CYSTM1: variants seen among roughly 807,000 people sequenced by gnomAD.
CYSTM1 encodes cysteine-rich transmembrane module-containing protein 1.
In CYSTM1, 4 loss-of-function variants were observed where a neutral mutation model predicts 13.1. The ratio of observed to expected loss-of-function variants is 0.31; its 90% CI spans 0.15 to 0.70. The LOEUF is 0.70. Ranked by LOEUF, CYSTM1 falls within the 30% of genes least tolerant of loss-of-function variation. The pLI, the probability that CYSTM1 is intolerant of heterozygous loss-of-function variation, is 0.72. For synonymous variants in CYSTM1, 36 were observed against 42.7 expected (o/e 0.84, Z 0.62); for missense variants, 96 against 121.6 (o/e 0.79, Z 0.99).
intron 2 of CYSTM1, among the ~76,000 whole-genome samples, chr5:140,204,952 T>C (rs1279565139): frequency 1.3e-5 from 2 of 152,248 alleles, no homozygotes; most frequent in Non-Finnish European, 2.9e-5. Context: ...ATTGGGGTTT[T>C]ATTTATGTTC....
chr5:140,236,104 T>G (rs1764677166), intron 2 of CYSTM1, among the ~76,000 whole-genome samples: 1 of 152,188 alleles, frequency 6.6e-6, no homozygotes, highest in Admixed American at 6.5e-5. Flanking sequence ...CTATTTGAGA[T>G]TCCCTTTTTT....
chr5:140,207,223 C>T (rs903575295), intron 2 of CYSTM1, among the ~76,000 whole-genome samples: 1 of 152,060 alleles, frequency 6.6e-6, no homozygotes, highest in African/African-American at 2.4e-5. Flanking sequence ...GCCACAGAAC[C>T]GTCTTCTCTG....
intron 2 of CYSTM1, among the ~76,000 whole-genome samples, chr5:140,209,650 G>A (rs186820488): frequency 6.6e-5 from 10 of 152,184 alleles, no homozygotes; most frequent in Admixed American, 1.3e-4. Context: ...GACTGGTCTC[G>A]AACTCCTGAC....
At chr5:140,240,321 A>G (rs1764732841) in intron 2 of CYSTM1, among the ~76,000 whole-genome samples, 1 of 151,850 alleles carries the variant, frequency 6.6e-6, no homozygotes, top group Non-Finnish European at 1.5e-5. Flanking sequence ...ATGTAACCAT[A>G]GTTCTGCCTG....
rs10679899 is a variant in CYSTM1 at position 140,177,078 on chromosome 5, A to AAAAAAAAAAAAC, written c.-21+1802_-21+1803insAACAAAAAAAAA. Among the ~76,000 whole-genome samples, 1,105 of 135,562 alleles carry AAAAAAAAAAAAC rather than the reference A, an allele frequency of 8.2e-3. 44 individuals are homozygous for AAAAAAAAAAAAC. Among genetic ancestry groups the AAAAAAAAAAAAC allele is most frequent in the African/African-American group, 0.021 (809 of 38,040 alleles). 88.9% of individuals were successfully genotyped at this position (135,562 alleles called of 152,430 possible). A position where few individuals can be genotyped will look rare whatever the true frequency, so the allele number is the denominator to read the frequency against. ...AGCGAGACTCTGTCTCAAAAAAAAA[A>AAAAAAAAAAAAC]AAAAAAAAATCTCTAGTCCTTTCCT... On this transcript the variant is annotated intron_variant, in intron 1 of 2. Transcript: ENST00000261811.
intron 1 of CYSTM1, among the ~76,000 whole-genome samples, chr5:140,183,312 C>G (rs1763980077): frequency 6.6e-6 from 1 of 152,222 alleles, no homozygotes; most frequent in Admixed American, 6.5e-5. Context: ...CCCCAACTCA[C>G]TTTCTGTGTT....
chr5:140,182,192 C>T (rs1306773586), intron 1 of CYSTM1, among the ~76,000 whole-genome samples: 4 of 152,168 alleles, frequency 2.6e-5, no homozygotes, highest in Non-Finnish European at 5.9e-5. Flanking sequence ...GTCCATGTTC[C>T]CCAAGTTCCA....
intron 2 of CYSTM1, among the ~76,000 whole-genome samples, chr5:140,218,375 C>T (rs1764455890): frequency 1.3e-5 from 2 of 152,220 alleles, no homozygotes; most frequent in Non-Finnish European, 2.9e-5. Flanking sequence ...GCCCTGCCTT[C>T]TGTCCTTCAG....
intron 2 of CYSTM1, among the ~76,000 whole-genome samples, chr5:140,218,641 TTGG>T (rs1764457845): frequency 6.6e-6 from 1 of 152,212 alleles, no homozygotes; most frequent in Non-Finnish European, 1.5e-5. Flanking sequence ...CCTATGTTCC[TTGG>T]TGGGCTGCCA....
At chr5:140,190,865 G>A (rs1459268687) in intron 1 of CYSTM1, among the ~76,000 whole-genome samples, 1 of 152,122 alleles carries the variant, frequency 6.6e-6, no homozygotes, top group Non-Finnish European at 1.5e-5. Context: ...TACACTGTTT[G>A]CATTTGATCT....
chr5:140,217,244 T>G (rs1331167766), intron 2 of CYSTM1, among the ~76,000 whole-genome samples: 1 of 152,134 alleles, frequency 6.6e-6, no homozygotes, highest in Admixed American at 6.5e-5. Flanking sequence ...TGGGTAAAAG[T>G]GACTTTTTGC....
At chr5:140,201,778 T>C (rs1764237050) in intron 2 of CYSTM1, 1 of 152,194 alleles carries the variant, frequency 6.6e-6, no homozygotes, top group African/African-American at 2.4e-5. Flanking sequence ...GCCTTAGATA[T>C]TAACCAGCAA....
intron 1 of CYSTM1, among the ~76,000 whole-genome samples, chr5:140,188,566 C>T (rs1741157175): frequency 6.6e-6 from 1 of 152,014 alleles, no homozygotes; most frequent in Non-Finnish European, 1.5e-5. Context: ...CCGAGGCGGG[C>T]GGATCACGAG....
In CYSTM1 at chr5:140,217,930, A is replaced by C. The variant is rs189146371; in HGVS notation, c.187+23278A>C. Among the ~76,000 whole-genome samples the C allele has an allele frequency of 7.3e-4, 110 of 151,256 alleles. No individual in the cohort carries two copies. In the Middle Eastern group the frequency reaches 0.02, roughly 28 times the overall value. ...AGTCCTCAACATTTTCATCCAGATA[A>C]AATTAGGAGCTGAGGGTCCCCAGAG... On this transcript the variant is annotated intron_variant, in intron 2 of 2. Transcript: ENST00000261811.
chr5:140,220,784 G>T (rs1764479424), intron 2 of CYSTM1, among the ~76,000 whole-genome samples: 1 of 152,050 alleles, frequency 6.6e-6, no homozygotes, highest in South Asian at 2.1e-4. Flanking sequence ...GAGGGCAGGT[G>T]GGCACACAGG....
chr5:140,232,888 A>G (rs1161850207), intron 2 of CYSTM1, among the ~76,000 whole-genome samples: 3 of 152,224 alleles, frequency 2.0e-5, no homozygotes, highest in African/African-American at 7.2e-5. Context: ...GAGCCTGAAC[A>G]GAGGAGACAT....
At position 140,219,387 on chromosome 5, in the gene CYSTM1, G is replaced by T. The variant is rs559134832; in HGVS notation, c.188-23918G>T. On this transcript the variant is annotated intron_variant, in intron 2 of 2. Transcript: ENST00000261811. This position sits in a 1 kb window ranked among gnomAD's most constrained non-coding sequence, Gnocchi z 4.1. ...GAATGGCCTTTGTTTCTCTGAAATC[G>T]TGGGCAGTGTGCTGCAGGTAGTAGA... is the stretch of plus-strand genomic sequence containing the variant. Among the ~76,000 whole-genome samples the T allele has an allele frequency of 6.6e-6, 1 of 152,066 alleles. No homozygotes were observed. The highest frequency in any genetic ancestry group is 2.4e-5 in the African/African-American group (1 of 41,406).
chr5:140,222,383 A>C (rs1472583220), intron 2 of CYSTM1, among the ~76,000 whole-genome samples: 2 of 152,214 alleles, frequency 1.3e-5, no homozygotes, highest in African/African-American at 2.4e-5. Flanking sequence ...CTAAGGACAC[A>C]CTTGGGTGAT....
chr5:140,206,233 C>A (rs995100870), intron 2 of CYSTM1, among the ~76,000 whole-genome samples: 1 of 151,650 alleles, frequency 6.6e-6, no homozygotes, highest in Admixed American at 6.6e-5. Flanking sequence ...TCACCTCCCC[C>A]TCCCCCACCC....
Sources: gnomAD v4.1 joint callset for allele counts (sites outside exome capture counted in the v4.1 genomes callset) on GRCh38, gnomAD v4.1.1 for gene constraint, Gnocchi (gnomAD v3.1) non-coding constraint, MANE v1.5 for transcripts, NCBI Gene and HGNC (gene_info 2026-07-23, HGNC 2026-07-21) for gene names.